Variants in IGSF6 observed in about 807,000 individuals in gnomAD.
IGSF6 encodes down-regulated by activation (immunoglobulin superfamily).
Under a neutral mutation model 24.7 loss-of-function variants are expected in IGSF6, and 23 were observed. The observed-to-expected ratio is 0.93, with a 90% CI of 0.67 to 1.32. The LOEUF (loss-of-function observed/expected upper bound fraction) is 1.32, where lower values mean the gene tolerates loss of function less well. IGSF6 is among the 40% of genes most tolerant of loss of function. IGSF6 has a pLI of 0.00. For synonymous variants in IGSF6, 110 were observed against 113.7 expected (o/e 0.97, Z 0.21); for missense variants, 295 against 293.6 (o/e 1.00, Z -0.04).
intron 2 of IGSF6, chr16:21,646,718 G>A (rs561481824): frequency 6.9e-6 from 2 of 287,996 alleles, no homozygotes; most frequent in South Asian, 3.3e-5. Flanking sequence ...GCAGTAGTGC[G>A]ATCTCGGTTC....
In IGSF6 at chr16:21,643,655, G is replaced by A. The variant is rs1392101503; in HGVS notation, c.535-57C>T. 3.6e-5 allele frequency: 41 copies of A among 1,153,498 alleles called. No individual in the cohort carries two copies. The South Asian group carries it at 4.3e-4, about 12-fold the overall frequency. The allele number at this position is 1,153,498 out of a possible 1,614,324, so 71.5% of individuals were successfully genotyped here. ...ATTTTATGTACTCATAACAATGGTG[G>A]CAGATATCTCATGCCCTAATAAGAT... is the stretch of plus-strand genomic sequence containing the variant. On this transcript the variant is annotated intron_variant, in intron 3 of 5. Transcript: ENST00000268389.
intron 5 of IGSF6, chr16:21,641,917 T>C: frequency 5.2e-6 from 1 of 191,010 alleles, no homozygotes; most frequent in Admixed American, 6.0e-5. Flanking sequence ...AGAAAAATGA[T>C]TTGTAATTAC....
chr16:21,646,854 C>T (rs772348487), intron 2 of IGSF6: 11 of 413,966 alleles, frequency 2.7e-5, no homozygotes, highest in Non-Finnish European at 5.0e-5. Flanking sequence ...TGGGGTTTCA[C>T]CATGTTGGCC....
Position 21,647,450 on chromosome 16 carries a change from T to G in IGSF6, c.110A>C (p.Tyr37Ser), listed in dbSNP as rs1184770125. 6.2e-7 allele frequency: 1 copy of G among 1,614,028 alleles called. No individual in the cohort carries two copies. Among genetic ancestry groups the G allele is most frequent in the East Asian group, 2.2e-5 (1 of 44,878 alleles). ...CTCATGAGTGTAGTCCACTTCTAGGTACCACGGTTGTGTGACAGAGAGAGT... is the reference window on the plus strand; with the variant it reads ...CTCATGAGTGTAGTCCACTTCTAGGGACCACGGTTGTGTGACAGAGAGAGT... ...ACTLSVTQPW[Y>S]LEVDYTHEAV... The change falls in exon 2 of 6, where the codon TAC becomes TCC. Residue 37 changes from tyrosine (Y) to serine (S), a missense_variant. Physicochemically the swap from Tyr to Ser is moderately radical, Grantham distance 144 (BLOSUM62 -2). Transcript: ENST00000268389.
At chr16:21,647,058 A>G (rs536928061) in intron 2 of IGSF6, 75 bp downstream of exon 2, 2 of 1,589,694 alleles carry the variant, frequency 1.3e-6, no homozygotes, top group Non-Finnish European at 1.7e-6. Flanking sequence ...TGATTTCTAC[A>G]TGTGAGTGAG....
At position 21,640,568 on chromosome 16, in the gene IGSF6, T is replaced by G. The variant is rs1966227536; in HGVS notation, c.*966A>C. 1 of 132,118 alleles carries G rather than the reference T, an allele frequency of 7.6e-6. No homozygotes were observed. The highest frequency in any genetic ancestry group is 1.6e-5 in the Non-Finnish European group (1 of 64,004). 8.2% of individuals were successfully genotyped at this position (132,118 alleles called of 1,614,324 possible). A position where few individuals can be genotyped will look rare whatever the true frequency, so the allele number is the denominator to read the frequency against. The stretch of plus-strand genomic sequence containing the variant: ...GAGTTTGAGACCAGCCTGGCCAACA[T>G]GGTGAAACCCCGTCTCTACTAAAAA... On this transcript the variant is annotated 3_prime_UTR_variant, in exon 6 of 6. Coordinates refer to ENST00000268389, the MANE Select transcript of IGSF6 (RefSeq NM_005849.4).
intron 1 of IGSF6, among the ~76,000 whole-genome samples, chr16:21,651,327 C>T (rs1379860666): frequency 3.9e-5 from 6 of 152,020 alleles, no homozygotes; most frequent in Admixed American, 2.6e-4. Context: ...AAATGTCTTG[C>T]TCTGTTGCCC....
At position 21,641,433 on chromosome 16, in the gene IGSF6, T is replaced by C. The variant is rs962473796; in HGVS notation, c.*101A>G. The C allele has an allele frequency of 5.3e-6, 3 of 564,366 alleles. No homozygotes were observed. The East Asian group carries it at 9.4e-5, about 18-fold the overall frequency. 35.0% of individuals were successfully genotyped at this position (564,366 alleles called of 1,614,324 possible). On this transcript the variant is annotated 3_prime_UTR_variant, in exon 6 of 6. Transcript: ENST00000268389. ...TTTGTAGCCAGTTGTCTTTTCAGTT[T>C]ACCTTTATTTTTTTTTAAGACCTGA... is the stretch of plus-strand genomic sequence containing the variant.
At chr16:21,642,833 A>G (rs1330620430) in intron 5 of IGSF6, among the ~76,000 whole-genome samples, 1 of 152,190 alleles carries the variant, frequency 6.6e-6, no homozygotes, top group East Asian at 1.9e-4. Context: ...CTCGTGTCTA[A>G]TGTGTTTCTG....
At chr16:21,648,469 C>T (rs966245020) in intron 1 of IGSF6, among the ~76,000 whole-genome samples, 1 of 152,212 alleles carries the variant, frequency 6.6e-6, no homozygotes, top group Non-Finnish European at 1.5e-5. Flanking sequence ...ACTGTTCCCA[C>T]AGTGTCAGAT....
intron 1 of IGSF6, among the ~76,000 whole-genome samples, chr16:21,650,640 T>A (rs1372814644): frequency 6.6e-6 from 1 of 152,172 alleles, no homozygotes; most frequent in Non-Finnish European, 1.5e-5. Context: ...TCTACTTATT[T>A]CCACCTTCTT....
chr16:21,643,268 C>G (rs1966326576), intron 4 of IGSF6, 114 bp from the exon 5 acceptor site: 3 of 752,812 alleles, frequency 4.0e-6, no homozygotes, highest in Non-Finnish European at 6.9e-6. Flanking sequence ...ACTACCCCCT[C>G]CCCCAACACA....
chr16:21,645,588 A>C (rs547903775), intron 2 of IGSF6, among the ~76,000 whole-genome samples: 3 of 152,358 alleles, frequency 2.0e-5, no homozygotes, highest in African/African-American at 7.2e-5. Context: ...TCAGTGTGAA[A>C]ATAGGAGTTC....
Position 21,641,459 on chromosome 16 carries a change from T to G in IGSF6, c.*75A>C. ...ACCTTTATTTTTTTTTAAGACCTGA[T>G]GATATATGTTCATTAACACTGCCAT... On this transcript the variant is annotated 3_prime_UTR_variant, in exon 6 of 6. Transcript: ENST00000268389. 5.3e-6 allele frequency: 4 copies of G among 753,510 alleles called. No homozygotes were observed. The highest frequency in any genetic ancestry group is 8.8e-6 in the Non-Finnish European group (4 of 455,698). 46.7% of individuals were successfully genotyped at this position (753,510 alleles called of 1,614,324 possible).
chr16:21,651,935 T>A (rs1436789116), intron 1 of IGSF6: 1 of 152,104 alleles, frequency 6.6e-6, no homozygotes, highest in Non-Finnish European at 1.5e-5. Flanking sequence ...CCATTAACAT[T>A]TTGATATATT....
rs1014466582 is a variant in IGSF6, at chr16:21,647,584, G to C, written c.68-92C>G. 63 of 1,461,456 alleles carry C rather than the reference G, an allele frequency of 4.3e-5. No homozygotes were observed. The African/African-American group carries it at 8.6e-4, about 20-fold the overall frequency. 90.5% of individuals were successfully genotyped at this position (1,461,456 alleles called of 1,614,324 possible). ...TTGAGGTAGGAAACCCAGCCATTCT[G>C]TTATTTTTCTTACCTTAATCCCAAT... On this transcript the variant is annotated intron_variant, in intron 1 of 5. Coordinates refer to ENST00000268389, the MANE Select transcript of IGSF6 (RefSeq NM_005849.4).
At chr16:21,650,439 T>TG (rs1357787558) in intron 1 of IGSF6, among the ~76,000 whole-genome samples, 1 of 139,352 alleles carries the variant, frequency 7.2e-6, no homozygotes, top group Non-Finnish European at 1.5e-5. Context: ...ACGTAGGAGG[T>TG]GGAGGTTGCA....
At chr16:21,643,440 CT>C (rs1302482887) in intron 4 of IGSF6, 107 bp downstream of exon 4, 5 of 720,448 alleles carry the variant, frequency 6.9e-6, no homozygotes, top group Non-Finnish European at 1.1e-5. Flanking sequence ...CCTTGATATT[CT>C]GTTTAAACTT....
In IGSF6 at chr16:21,652,559, G is replaced by A; in HGVS notation, c.40C>T (p.Gln14Ter). Residue 14 changes from glutamine (Q) to a stop codon, truncating the protein, a stop_gained, in exon 1 of 6, where the codon CAA (glutamine) becomes TAA (stop). Coordinates refer to ENST00000268389, the MANE Select transcript of IGSF6 (RefSeq NM_005849.4). LOFTEE classifies it high-confidence loss of function. ...ASRSNIARHLQTNLILFCVGA... is the reference protein window; with the variant it reads ...ASRSNIARHL Reference sequence around the variant, plus strand: ...ACACAAAATAGAATGAGATTGGTTTGCAGATGGCGAGCGATGTTGCTTCTG... The same window carrying A: ...ACACAAAATAGAATGAGATTGGTTTACAGATGGCGAGCGATGTTGCTTCTG... 6.2e-7 allele frequency: 1 copy of A among 1,612,046 alleles called. No homozygotes were observed.
Sources: allele counts gnomAD v4.1 joint callset (sites outside exome capture counted in the v4.1 genomes callset), GRCh38; gene constraint gnomAD v4.1.1; transcripts MANE v1.5; gene names NCBI Gene and HGNC (gene_info 2026-07-23, HGNC 2026-07-21).